Variants in ZEB1 observed in about 807,000 individuals in gnomAD.
ZEB1 encodes zinc finger E-box binding homeobox 1.
ZEB1 carries 21 observed loss-of-function variants against 84.9 expected under a neutral mutation model. The ratio of observed to expected loss-of-function variants is 0.25; its 90% CI spans 0.18 to 0.36. ZEB1 has a LOEUF of 0.36. ZEB1 is among the 10% of genes least tolerant of loss of function. The probability of loss-of-function intolerance (pLI) is 1.00; values close to 1 mark genes in which losing one functional copy is unlikely to be tolerated. For synonymous variants in ZEB1, 420 were observed against 471.1 expected (o/e 0.89, Z 1.41); for missense variants, 1,104 against 1,330.2 (o/e 0.83, Z 2.65).
At chr10:31,459,946 A>AT (rs1201265735) in intron 1 of ZEB1, among the ~76,000 whole-genome samples, 1 of 151,606 alleles carries the variant, frequency 6.6e-6, no homozygotes, top group East Asian at 1.9e-4. Flanking sequence ...TTGTTGGAAA[A>AT]TTTAAGGAAG....
At chr10:31,417,255 C>T (rs1011577859) in intron 1 of ZEB1, among the ~76,000 whole-genome samples, 2 of 152,138 alleles carry the variant, frequency 1.3e-5, no homozygotes, top group Non-Finnish European at 2.9e-5. Flanking sequence ...AACATTCATT[C>T]TTAGCACAAT....
intron 1 of ZEB1, among the ~76,000 whole-genome samples, chr10:31,397,110 G>T (rs2050888088): frequency 6.8e-6 from 1 of 147,522 alleles, no homozygotes; most frequent in Non-Finnish European, 1.5e-5. Flanking sequence ...CCACCTCCCG[G>T]GTTCAAGCAA....
At chr10:31,420,898 A>G (rs951471930) in intron 1 of ZEB1, among the ~76,000 whole-genome samples, 3 of 152,140 alleles carry the variant, frequency 2.0e-5, no homozygotes, top group East Asian at 1.9e-4. Flanking sequence ...TTCCGTAGAT[A>G]TCGAGATTTC....
chr10:31,321,772 GA>G, intron 1 of ZEB1: 15 of 560,290 alleles, frequency 2.7e-5, no homozygotes, highest in Middle Eastern at 4.0e-4. Context: ...CTTAAGGGGG[GA>G]AAAGCGATCC....
chr10:31,343,232 G>T (rs991084801), intron 1 of ZEB1, among the ~76,000 whole-genome samples: 2 of 152,092 alleles, frequency 1.3e-5, no homozygotes, highest in African/African-American at 4.8e-5. Context: ...GCACTAAACT[G>T]TAGTTAACAT....
intron 2 of ZEB1, among the ~76,000 whole-genome samples, chr10:31,488,074 T>C (rs1020841551): frequency 2.0e-5 from 3 of 151,202 alleles, no homozygotes; most frequent in Admixed American, 1.3e-4. Context: ...CTTTTTCTTT[T>C]ATTTTCTTCG....
chr10:31,449,149 A>G (rs1358688462), intron 1 of ZEB1, among the ~76,000 whole-genome samples: 1 of 152,186 alleles, frequency 6.6e-6, no homozygotes, highest in African/African-American at 2.4e-5. Context: ...GAAAAGCGCA[A>G]TATTCGGGTG....
At chr10:31,396,621 G>A (rs957185045) in intron 1 of ZEB1, among the ~76,000 whole-genome samples, 9 of 152,166 alleles carry the variant, frequency 5.9e-5, no homozygotes, top group African/African-American at 2.2e-4. Context: ...TGAGGAGAGA[G>A]AGAAAAGCTT....
At chr10:31,479,144 A>G (rs760181393) in intron 2 of ZEB1, among the ~76,000 whole-genome samples, 7 of 151,908 alleles carry the variant, frequency 4.6e-5, no homozygotes, top group Non-Finnish European at 1.0e-4. Flanking sequence ...ATAATCCTGA[A>G]GAAATGGATA....
At chr10:31,422,837 T>C (rs1054292404) in intron 1 of ZEB1, among the ~76,000 whole-genome samples, 49 of 151,954 alleles carry the variant, frequency 3.2e-4, no homozygotes, top group African/African-American at 1.1e-3. Context: ...GTTCCCCCCT[T>C]TGGTTGTCCC....
intron 1 of ZEB1, among the ~76,000 whole-genome samples, chr10:31,334,384 CAAAATAACTTGTGGATCAA>C (rs2037538870): frequency 6.6e-6 from 1 of 151,826 alleles, no homozygotes; most frequent in Non-Finnish European, 1.5e-5. Flanking sequence ...ATGTTTATTT[CAAAATAACTTGTGGATCAA>C]AGAAAAACTT....
At chr10:31,518,787 G>T (rs954327799) in intron 6 of ZEB1, among the ~76,000 whole-genome samples, 1 of 152,084 alleles carries the variant, frequency 6.6e-6, no homozygotes, top group African/African-American at 2.4e-5. Flanking sequence ...AGATTAGCTG[G>T]TGTCAAGAAT....
At chr10:31,524,304 C>T (rs987774366) in intron 8 of ZEB1, among the ~76,000 whole-genome samples, 191 bp downstream of exon 8, 7 of 151,830 alleles carry the variant, frequency 4.6e-5, no homozygotes, top group Admixed American at 1.3e-4. Flanking sequence ...CTGCAACCTC[C>T]GCCTCCCGGG....
chr10:31,439,268 T>A (rs2058631131), intron 1 of ZEB1, among the ~76,000 whole-genome samples: 1 of 152,214 alleles, frequency 6.6e-6, no homozygotes, highest in Admixed American at 6.5e-5. Context: ...TTAAGGTTTT[T>A]TTGTAATTAA....
chr10:31,449,183 C>G lies in ZEB1; in HGVS notation c.59-11854C>G, dbSNP rs564923180. Among the ~76,000 whole-genome samples, 7 of 150,946 alleles carry G rather than the reference C, an allele frequency of 4.6e-5. No individual in the cohort carries two copies. In the East Asian group the frequency reaches 1.4e-3, roughly 29 times the overall value. On this transcript the variant is annotated intron_variant, in intron 1 of 8. Coordinates refer to ENST00000424869, the MANE Select transcript of ZEB1 (RefSeq NM_001174096.2). ...TGGGAGTGACCCGATTTTCCAGGTGCGTCTGTCACCCCTTTCTTTGACTCG... is the reference window on the plus strand; with the variant it reads ...TGGGAGTGACCCGATTTTCCAGGTGGGTCTGTCACCCCTTTCTTTGACTCG...
intron 1 of ZEB1, among the ~76,000 whole-genome samples, chr10:31,411,427 C>T (rs909836374): frequency 6.6e-6 from 1 of 152,024 alleles, no homozygotes; most frequent in African/African-American, 2.4e-5. Flanking sequence ...GTCAGGAGAT[C>T]GAGACCATCC....
chr10:31,465,912 T>A (rs2062365149), intron 2 of ZEB1, among the ~76,000 whole-genome samples: 1 of 151,944 alleles, frequency 6.6e-6, no homozygotes, highest in African/African-American at 2.4e-5. Context: ...AAGATACAGA[T>A]AAGATGAAAG....
At chr10:31,358,019 C>T (rs1437152636) in intron 1 of ZEB1, 2 of 152,142 alleles carry the variant, frequency 1.3e-5, no homozygotes, top group Non-Finnish European at 2.9e-5. Context: ...TCCTTATGCA[C>T]TCCTGCCCCC....
chr10:31,508,558 T>C (rs2069384157), intron 4 of ZEB1, among the ~76,000 whole-genome samples: 1 of 151,950 alleles, frequency 6.6e-6, no homozygotes, highest in South Asian at 2.1e-4. Flanking sequence ...GTGACAACAG[T>C]GTTGGACTGG....
Sources: gnomAD v4.1 joint callset for allele counts (sites outside exome capture counted in the v4.1 genomes callset) on GRCh38, gnomAD v4.1.1 for gene constraint, MANE v1.5 for transcripts, NCBI Gene and HGNC (gene_info 2026-07-23, HGNC 2026-07-21) for gene names.